PICK1: variants seen among roughly 807,000 people sequenced by gnomAD.
PICK1 encodes PRKCA-binding protein.
In PICK1, 23 loss-of-function variants were observed where a neutral mutation model predicts 48.9. That is an observed-to-expected ratio of 0.47 (90% CI 0.34 to 0.67). The LOEUF (loss-of-function observed/expected upper bound fraction) is 0.67. Among genes scored for constraint, PICK1 ranks in the 30% least tolerant of loss-of-function variants. The pLI is 0.01. For missense variants in PICK1, 423 were observed against 557.1 expected (o/e 0.76, Z 2.42); for synonymous variants, 217 against 228.2 (o/e 0.95, Z 0.44).
At chr22:38,068,195 G>C (rs2085579444) in intron 5 of PICK1, 15 of 453,458 alleles carry the variant, frequency 3.3e-5, no homozygotes, top group South Asian at 1.6e-4. Flanking sequence ...CCTGCCATCA[G>C]CTCCCAGGGG....
chr22:38,058,460 AGAG>A (rs1209897216), intron 2 of PICK1, among the ~76,000 whole-genome samples: 2 of 152,188 alleles, frequency 1.3e-5, no homozygotes, highest in Non-Finnish European at 2.9e-5. Context: ...ACAGTTTAAT[AGAG>A]GAAGACTCCC....
chr22:38,057,602 C>T lies in PICK1; in HGVS notation c.-58+15C>T, dbSNP rs1229559891. 5.2e-5 allele frequency: 32 copies of T among 610,898 alleles called. No homozygotes were observed. The highest frequency in any genetic ancestry group is 8.2e-5 in the Non-Finnish European group (28 of 340,558). The allele number at this position is 610,898 out of a possible 1,614,324, so 37.8% of individuals were successfully genotyped here. On this transcript the variant is annotated intron_variant, in intron 1 of 12. Transcript: ENST00000356976. The stretch of plus-strand genomic sequence containing the variant: ...CTTTGTACCTAGTAAGAATCACCTA[C>T]CCAGCCCCCCACCCGGAGACTGTCC...
Position 38,075,262 on chromosome 22 carries a change from CTG to C in PICK1, c.*132_*133del. On this transcript the variant is annotated 3_prime_UTR_variant, in exon 13 of 13. Coordinates refer to ENST00000356976, the MANE Select transcript of PICK1 (RefSeq NM_012407.4). ...TTGGGGCGCCTGCCTCCCTGCTCCT[CTG>C]TCCTCGCACAGCGAACCTGGGCTCC... The C allele has an allele frequency of 1.1e-6, 1 of 896,640 alleles. No individual in the cohort carries two copies. The highest frequency in any genetic ancestry group is 1.8e-5 in the South Asian group (1 of 56,974). 55.5% of individuals were successfully genotyped at this position (896,640 alleles called of 1,614,324 possible). A position where few individuals can be genotyped will look rare whatever the true frequency, so the allele number is the denominator to read the frequency against.
chr22:38,075,067 C>A lies in PICK1; in HGVS notation c.1183C>A (p.Pro395Thr). 6.2e-7 allele frequency: 1 copy of A among 1,612,924 alleles called. No individual in the cohort carries two copies. ...GGAGGAAGACACGGCAGCTGGGGAG[C>A]CGTCCAGGGATACACGAGGGGCTGC... is the stretch of plus-strand genomic sequence containing the variant. ...EEEEDTAAGE[P>T]SRDTRGAAGP... Residue 395 changes from proline (P) to threonine (T), a missense_variant, in exon 13 of 13, where the codon CCG becomes ACG. Physicochemically the swap from Pro to Thr is conservative, Grantham distance 38. Coordinates refer to ENST00000356976, the MANE Select transcript of PICK1 (RefSeq NM_012407.4).
rs541063539 is a variant in PICK1 at position 38,072,245 on chromosome 22, A to C, written c.557-232A>C. On this transcript the variant is annotated intron_variant, in intron 8 of 12. Coordinates refer to ENST00000356976, the MANE Select transcript of PICK1 (RefSeq NM_012407.4). The stretch of plus-strand genomic sequence containing the variant: ...GAGGGCCAACTCCCTTGGTGTGTAC[A>C]CTCAGGACTCTAGGGGGCACAGACC... Among the ~76,000 whole-genome samples, 7 of 152,182 alleles carry C rather than the reference A, an allele frequency of 4.6e-5. No individual in the cohort carries two copies. In the East Asian group the frequency reaches 9.7e-4, roughly 21 times the overall value.
Position 38,071,710 on chromosome 22 carries a change from A to T in PICK1, c.522A>T (p.Leu174=). The T allele has an allele frequency of 1.9e-6, 3 of 1,613,504 alleles. No homozygotes were observed. Among genetic ancestry groups the T allele is most frequent in the Non-Finnish European group, 2.5e-6 (3 of 1,179,900 alleles). ...KGMTEHTKNL[L]RAFYELSQTH... The stretch of plus-strand genomic sequence containing the variant: ...TGACGGAACACACCAAGAACCTCCT[A>T]CGGGCCTTTTATGAGCTGTCGCAGA... Residue 174 remains leucine, a synonymous_variant, in exon 8 of 13, where the codon CTA becomes CTT. Coordinates refer to ENST00000356976, the MANE Select transcript of PICK1 (RefSeq NM_012407.4).
Position 38,057,612 on chromosome 22 carries a change from C to A in PICK1, c.-58+25C>A, listed in dbSNP as rs529256288. ...AGTAAGAATCACCTACCCAGCCCCC[C>A]ACCCGGAGACTGTCCCATCCCACTC... On this transcript the variant is annotated intron_variant, in intron 1 of 12. Transcript: ENST00000356976. The A allele has an allele frequency of 1.0e-5, 6 of 602,772 alleles. No individual in the cohort carries two copies. In the East Asian group the frequency reaches 1.1e-4, roughly 11 times the overall value. The allele number at this position is 602,772 out of a possible 1,614,324, so 37.3% of individuals were successfully genotyped here.
chr22:38,074,589 C>A lies in PICK1; in HGVS notation c.979+138C>A. On this transcript the variant is annotated intron_variant, in intron 12 of 12. Transcript: ENST00000356976. The surrounding 1 kb of genome is among the most constrained non-coding windows in gnomAD (Gnocchi z 4.5). ...GCCCAGCCATCTGCCCAGAGCCTGGCCTGGGTGGAGCTGGCCTGTGCGCGT... is the reference window on the plus strand; with the variant it reads ...GCCCAGCCATCTGCCCAGAGCCTGGACTGGGTGGAGCTGGCCTGTGCGCGT... 7.8e-7 allele frequency: 1 copy of A among 1,279,466 alleles called. No homozygotes were observed. The highest frequency in any genetic ancestry group is 1.1e-6 in the Non-Finnish European group (1 of 902,338). 79.3% of individuals were successfully genotyped at this position (1,279,466 alleles called of 1,614,324 possible).
rs755209031 is a variant in PICK1, at chr22:38,074,940, G to C, written c.1056G>C (p.Leu352=). The part of the protein sequence containing the change: ...SKYYNDCYAV[L]RDADVFPIEV... ...ACTACAACGACTGCTACGCAGTGCT[G>C]CGGGATGCCGACGTCTTCCCCATCG... Residue 352 remains leucine (L), a synonymous_variant, in exon 13 of 13, where the codon CTG becomes CTC. Coordinates refer to ENST00000356976, the MANE Select transcript of PICK1 (RefSeq NM_012407.4). This position sits in a 1 kb window ranked among gnomAD's most constrained non-coding sequence, Gnocchi z 4.5. 2 of 1,613,736 alleles carry C rather than the reference G, an allele frequency of 1.2e-6. No homozygotes were observed. The highest frequency in any genetic ancestry group is 1.7e-6 in the Non-Finnish European group (2 of 1,180,044).
chr22:38,058,401 T>A (rs555855114), intron 2 of PICK1, among the ~76,000 whole-genome samples: 1 of 152,042 alleles, frequency 6.6e-6, no homozygotes, highest in South Asian at 2.1e-4. Flanking sequence ...CAATGCTAAT[T>A]TATAGTGGAA....
Position 38,074,891 on chromosome 22 carries a change from G to A in PICK1, c.1007G>A (p.Arg336His), listed in dbSNP as rs1269183909. The part of the protein sequence containing the change: ...HVQDIVFQLQ[R>H]LVSTMSKYYN... ...CAGGACATCGTGTTCCAGCTGCAGCGCCTCGTGTCCACCATGTCCAAGTAC... is the reference window on the plus strand; with the variant it reads ...CAGGACATCGTGTTCCAGCTGCAGCACCTCGTGTCCACCATGTCCAAGTAC... Residue 336 changes from arginine to histidine, a missense_variant, in exon 13 of 13, where the codon CGC becomes CAC. This residue lies in a region of PICK1 where 144 missense variants were observed against 139.3 expected (regional missense o/e 1.03). Coordinates refer to ENST00000356976, the MANE Select transcript of PICK1 (RefSeq NM_012407.4). The surrounding 1 kb of genome is among the most constrained non-coding windows in gnomAD (Gnocchi z 4.5). 5.0e-6 allele frequency: 8 copies of A among 1,613,084 alleles called. No individual in the cohort carries two copies. The highest frequency in any genetic ancestry group is 2.2e-5 in the East Asian group (1 of 44,882).
upstream of PICK1, chr22:38,057,392 C>A (rs2085294415): frequency 4.5e-6 from 1 of 221,336 alleles, no homozygotes; most frequent in African/African-American, 2.3e-5. Context: ...CGCGTCTTGC[C>A]GGAAGTGACG....
Position 38,074,443 on chromosome 22 carries a change from A to G in PICK1, c.971A>G (p.Gln324Arg), listed in dbSNP as rs2085782816. 2 of 1,613,048 alleles carry G rather than the reference A, an allele frequency of 1.2e-6. No homozygotes were observed. The highest frequency in any genetic ancestry group is 1.6e-4 in the Middle Eastern group (1 of 6,084). The change falls in exon 12 of 13, where the codon CAG (glutamine) becomes CGG (arginine). Residue 324 changes from glutamine to arginine, a missense_variant. By Grantham distance (43) the Gln-to-Arg change is conservative. Around this residue, in one of 2 missense-constraint regions of PICK1, gnomAD observed 144 missense variants for 139.3 expected, o/e 1.03. Transcript: ENST00000356976. The surrounding 1 kb of genome is among the most constrained non-coding windows in gnomAD (Gnocchi z 4.5). ...DVLEKMELLD[Q>R]KHVQDIVFQL... Reference sequence around the variant, plus strand: ...CTGGAGAAGATGGAGCTGCTGGACCAGAAGCACGGTGAGCGCCGCCCTCCT... The same window carrying G: ...CTGGAGAAGATGGAGCTGCTGGACCGGAAGCACGGTGAGCGCCGCCCTCCT...
chr22:38,057,389 T>G (rs2085294310), upstream of PICK1: 1 of 220,414 alleles, frequency 4.5e-6, no homozygotes, highest in Non-Finnish European at 9.2e-6. Flanking sequence ...TTCCGCGTCT[T>G]GCCGGAAGTG....
chr22:38,069,534 A>G (rs1258174213), intron 6 of PICK1, among the ~76,000 whole-genome samples: 2 of 152,176 alleles, frequency 1.3e-5, no homozygotes, highest in African/African-American at 2.4e-5. Flanking sequence ...AGGCGTGTAC[A>G]TGCACATTTA....
chr22:38,071,636 T>C, intron 7 of PICK1, 46 bp from the exon 8 acceptor site: 1 of 1,566,572 alleles, frequency 6.4e-7, no homozygotes, highest in Non-Finnish European at 8.8e-7. Flanking sequence ...GCCAGTGTGG[T>C]CCCCGCCATG....
intron 9 of PICK1, 40 bp from the exon 10 acceptor site, chr22:38,072,960 C>G (rs759074713): frequency 1.5e-6 from 2 of 1,347,058 alleles, no homozygotes; most frequent in South Asian, 1.2e-5. Flanking sequence ...CTGGCACACC[C>G]CTGCCGTGAC....
At chr22:38,070,201 G>A (rs2085643221) in intron 6 of PICK1, among the ~76,000 whole-genome samples, 1 of 152,244 alleles carries the variant, frequency 6.6e-6, no homozygotes, top group Admixed American at 6.5e-5. Context: ...CAGGAGGCTG[G>A]GGAGCAGAGA....
rs889716536 is a variant in PICK1, at chr22:38,064,622, G to A, written c.154-380G>A. On this transcript the variant is annotated intron_variant, in intron 3 of 12. Transcript: ENST00000356976. ...ACTAAAGATACGAAATTAGCCGGGC[G>A]TGGTAGCGCATGCCTGTAACCCCAG... Among the ~76,000 whole-genome samples, 13 of 152,110 alleles carry A rather than the reference G, an allele frequency of 8.5e-5. No individual in the cohort carries two copies. In the East Asian group the frequency reaches 9.8e-4, roughly 11 times the overall value.
Sources: allele counts gnomAD v4.1 joint callset (sites outside exome capture counted in the v4.1 genomes callset), GRCh38; gene constraint gnomAD v4.1.1; regional missense constraint gnomAD v4.1.1; non-coding constraint Gnocchi (gnomAD v3.1); transcripts MANE v1.5; gene names NCBI Gene and HGNC (gene_info 2026-07-23, HGNC 2026-07-21).